Variants in RBM39 observed in about 807,000 individuals in gnomAD.
The protein encoded by RBM39 is RNA-binding protein 39.
In RBM39, 12 loss-of-function variants were observed where a neutral mutation model predicts 79.6. The observed-to-expected ratio is 0.15, with a 90% CI of 0.10 to 0.24. The LOEUF (loss-of-function observed/expected upper bound fraction) is 0.24, where lower values mean the gene tolerates loss of function less well. Among genes scored for constraint, RBM39 ranks in the 10% least tolerant of loss-of-function variants. The probability of loss-of-function intolerance (pLI) is 1.00; values close to 1 mark genes in which losing one functional copy is unlikely to be tolerated. For synonymous variants in RBM39, 185 were observed against 208.4 expected (o/e 0.89, Z 0.97); for missense variants, 243 against 653.4 (o/e 0.37, Z 6.85).
chr20:35,706,867 A>C (rs535506631), intron 14 of RBM39, among the ~76,000 whole-genome samples: 1 of 151,972 alleles, frequency 6.6e-6, no homozygotes, highest in Admixed American at 6.6e-5. Context: ...ATCTCTACTA[A>C]AACTACAAAA....
intron 11 of RBM39, 183 bp downstream of exon 11, chr20:35,714,002 A>T (rs2146534737): frequency 1.6e-6 from 1 of 617,596 alleles, no homozygotes; most frequent in African/African-American, 1.8e-5. Flanking sequence ...CAAAACACAT[A>T]ATATAGATTT....
intron 8 of RBM39, among the ~76,000 whole-genome samples, chr20:35,723,499 C>T (rs1228579906): frequency 6.6e-6 from 1 of 152,176 alleles, no homozygotes; most frequent in East Asian, 1.9e-4. Flanking sequence ...AGTGCAATGG[C>T]GTGATCTTGC....
intron 14 of RBM39, among the ~76,000 whole-genome samples, chr20:35,705,657 G>A (rs774517779): frequency 2.6e-5 from 4 of 151,686 alleles, no homozygotes; most frequent in Non-Finnish European, 4.4e-5. Context: ...ATTTAGCCAC[G>A]AGTGGTGGCA....
In RBM39 at chr20:35,702,863, C is replaced by G. The variant is rs2035350127; in HGVS notation, c.*1618G>C. 1 of 152,158 alleles carries G rather than the reference C, an allele frequency of 6.6e-6. No individual in the cohort carries two copies. Among genetic ancestry groups the G allele is most frequent in the Admixed American group, 6.5e-5 (1 of 15,272 alleles). 9.4% of individuals were successfully genotyped at this position (152,158 alleles called of 1,614,324 possible). ...TGAACCTGGGAGATGGAGCTGAGAT[C>G]ACATCACTGCACTCCAGCCTGGGCC... On this transcript the variant is annotated 3_prime_UTR_variant, in exon 17 of 17. Coordinates refer to ENST00000253363, the MANE Select transcript of RBM39 (RefSeq NM_184234.3).
intron 12 of RBM39, among the ~76,000 whole-genome samples, chr20:35,709,543 G>A (rs992604721): frequency 2.0e-5 from 3 of 151,992 alleles, no homozygotes; most frequent in African/African-American, 7.3e-5. Flanking sequence ...CTATACAGCT[G>A]GGAATAATGG....
intron 9 of RBM39, among the ~76,000 whole-genome samples, chr20:35,720,569 A>C (rs528606677): frequency 6.6e-6 from 1 of 151,732 alleles, no homozygotes; most frequent in African/African-American, 2.4e-5. Flanking sequence ...CAGGAGTATG[A>C]GACCAACTTG....
At chr20:35,705,494 T>C (rs1350137573) in intron 14 of RBM39, 164 bp from the exon 15 acceptor site, 2 of 526,832 alleles carry the variant, frequency 3.8e-6, no homozygotes, top group Non-Finnish European at 6.5e-6. Context: ...CAGTCTGGTA[T>C]TGAAAAATAA....
At chr20:35,710,152 T>G (rs1185333416) in intron 12 of RBM39, 1 of 152,162 alleles carries the variant, frequency 6.6e-6, no homozygotes, top group Non-Finnish European at 1.5e-5. Flanking sequence ...ATCAAAATTT[T>G]GATTCAGTAA....
intron 13 of RBM39, 72 bp from the exon 14 acceptor site, chr20:35,707,273 G>C: frequency 9.1e-7 from 1 of 1,103,038 alleles, no homozygotes; most frequent in Admixed American, 2.5e-5. Context: ...ACTTTAAAAC[G>C]AAACCAAAAA....
chr20:35,730,739 T>A (rs186572098), intron 4 of RBM39, among the ~76,000 whole-genome samples: 1 of 152,028 alleles, frequency 6.6e-6, no homozygotes, highest in East Asian at 1.9e-4. Context: ...TTTAACATAA[T>A]CCCATTTTAA....
intron 9 of RBM39, among the ~76,000 whole-genome samples, chr20:35,717,671 T>C (rs2037321325): frequency 6.6e-6 from 1 of 152,126 alleles, no homozygotes. Flanking sequence ...TAGCTGTCCA[T>C]TTAAAAAAAG....
chr20:35,722,761 G>C (rs1328929881), intron 8 of RBM39, among the ~76,000 whole-genome samples: 1 of 151,428 alleles, frequency 6.6e-6, no homozygotes, highest in Non-Finnish European at 1.5e-5. Flanking sequence ...GTGAAACCCC[G>C]TCTCTACTAA....
chr20:35,736,994 C>T (rs1437073379), intron 3 of RBM39, among the ~76,000 whole-genome samples: 3 of 151,574 alleles, frequency 2.0e-5, no homozygotes, highest in African/African-American at 7.3e-5. Flanking sequence ...GTCCATGTCT[C>T]ACGCCTGTAA....
chr20:35,735,013 A>T (rs1246791764), intron 3 of RBM39: 2 of 1,609,670 alleles, frequency 1.2e-6, no homozygotes, highest in African/African-American at 2.7e-5. Context: ...TCTGCAGTAA[A>T]GGTGTTTTGC....
chr20:35,716,912 T>C (rs746323261), intron 9 of RBM39, 107 bp from the exon 10 acceptor site: 3 of 678,954 alleles, frequency 4.4e-6, no homozygotes, highest in Non-Finnish European at 7.6e-6. Flanking sequence ...TCCTCCAAAA[T>C]AGAAGACTTA....
intron 3 of RBM39, among the ~76,000 whole-genome samples, chr20:35,733,111 C>T (rs1481333601): frequency 1.3e-5 from 2 of 150,984 alleles, no homozygotes; most frequent in African/African-American, 4.9e-5. Context: ...GAGACCAGCC[C>T]GGCCAACACG....
At position 35,741,988 on chromosome 20, in the gene RBM39, TGC is replaced by T; in HGVS notation, c.-63_-62del. The T allele has an allele frequency of 7.0e-6, 1 of 142,264 alleles. No homozygotes were observed. The allele number at this position is 142,264 out of a possible 1,614,324, so 8.8% of individuals were successfully genotyped here. On this transcript the variant is annotated 5_prime_UTR_variant, in exon 1 of 17. Coordinates refer to ENST00000253363, the MANE Select transcript of RBM39 (RefSeq NM_184234.3). ...GTGGTGCTCGTGTTCGGGAAGAGATTGCTGCTGCTGCTGCTGCTGCTGCCGCC... is the reference window on the plus strand; with the variant it reads ...GTGGTGCTCGTGTTCGGGAAGAGATTTGCTGCTGCTGCTGCTGCTGCCGCC...
At chr20:35,728,936 C>T (rs1486310625) in intron 6 of RBM39, among the ~76,000 whole-genome samples, 4 of 151,568 alleles carry the variant, frequency 2.6e-5, no homozygotes. Context: ...AATAGCGAGG[C>T]ATGGTGGTGC....
chr20:35,708,492 CTT>C (rs1243713683), intron 13 of RBM39, among the ~76,000 whole-genome samples: 4 of 152,092 alleles, frequency 2.6e-5, no homozygotes, highest in Non-Finnish European at 2.9e-5. Context: ...TTAAAAATCT[CTT>C]AACAAAACAG....
Sources: gnomAD v4.1 joint callset for allele counts (sites outside exome capture counted in the v4.1 genomes callset) on GRCh38, gnomAD v4.1.1 for gene constraint, MANE v1.5 for transcripts, NCBI Gene and HGNC (gene_info 2026-07-23, HGNC 2026-07-21) for gene names.